Variants in ADAM12 observed in about 807,000 individuals in gnomAD.
ADAM12 encodes the protein disintegrin and metalloproteinase domain-containing protein 12.
Under a neutral mutation model 106.4 loss-of-function variants are expected in ADAM12, and 70 were observed. The ratio of observed to expected loss-of-function variants is 0.66; its 90% CI spans 0.54 to 0.80. The LOEUF (loss-of-function observed/expected upper bound fraction) is 0.80. ADAM12 is among the 30% of genes least tolerant of loss of function. The pLI, the probability that ADAM12 is intolerant of heterozygous loss-of-function variation, is 0.00. For synonymous variants in ADAM12, 420 were observed against 433.5 expected, an observed-to-expected ratio of 0.97 and a Z score of 0.39; for missense variants, 1,010 against 1,171.9, an observed-to-expected ratio of 0.86 and a Z score of 2.02.
chr10:126,364,161 T>C (rs1332498582), intron 1 of ADAM12, among the ~76,000 whole-genome samples: 2 of 152,100 alleles, frequency 1.3e-5, no homozygotes, highest in South Asian at 2.1e-4. Flanking sequence ...AAAAAATCTA[T>C]TTGAAAACTA....
chr10:126,285,964 T>C (rs1027664341), intron 2 of ADAM12, among the ~76,000 whole-genome samples: 3 of 124,756 alleles, frequency 2.4e-5, no homozygotes, highest in African/African-American at 9.2e-5. Flanking sequence ...GCTGATTAGA[T>C]TGATTTCCCT....
chr10:126,313,769 A>G (rs17154713), intron 2 of ADAM12, among the ~76,000 whole-genome samples: 35,616 of 152,106 alleles, frequency 0.23, 4,426 homozygotes, highest in Middle Eastern at 0.33. Context: ...AATAAAAAAG[A>G]TAAGTCTCTC....
At chr10:126,225,976 C>T (rs1460967575) in intron 3 of ADAM12, among the ~76,000 whole-genome samples, 1 of 152,138 alleles carries the variant, frequency 6.6e-6, no homozygotes, top group Non-Finnish European at 1.5e-5. Context: ...GTTTATCAAA[C>T]ATGAAATGGG....
At chr10:126,299,868 T>C (rs1960544124) in intron 2 of ADAM12, among the ~76,000 whole-genome samples, 1 of 152,160 alleles carries the variant, frequency 6.6e-6, no homozygotes, top group Non-Finnish European at 1.5e-5. Context: ...GGTCTTGAAC[T>C]CCTGACCTCA....
intron 16 of ADAM12, among the ~76,000 whole-genome samples, chr10:126,047,836 T>C (rs1954368387): frequency 6.6e-6 from 1 of 152,204 alleles, no homozygotes; most frequent in Admixed American, 6.5e-5. Context: ...TAAAGACACA[T>C]GCACTCATAT....
At position 126,091,317 on chromosome 10, in the gene ADAM12, C is replaced by T. The variant is rs371990197; in HGVS notation, c.1145+2668G>A. ...GAGAACCACCATTTTGAGATAATACCGGAGCAGCCGGGAAAACTCCACCAC... is the reference window on the plus strand; with the variant it reads ...GAGAACCACCATTTTGAGATAATACTGGAGCAGCCGGGAAAACTCCACCAC... On this transcript the variant is annotated intron_variant, in intron 11 of 22. Transcript: ENST00000448723. 1.7e-3 allele frequency among the ~76,000 whole-genome samples: 255 copies of T among 152,298 alleles called. 1 individual carries two copies. Among genetic ancestry groups the T allele is most frequent in the African/African-American group, 5.8e-3 (239 of 41,556 alleles).
chr10:126,123,370 C>T (rs559194189), intron 5 of ADAM12, among the ~76,000 whole-genome samples: 17 of 152,246 alleles, frequency 1.1e-4, no homozygotes, highest in Admixed American at 4.6e-4. Flanking sequence ...GTGGACTTTG[C>T]GTGTGGGGTT....
chr10:126,092,405 G>C (rs538258614), intron 11 of ADAM12, among the ~76,000 whole-genome samples: 1 of 152,314 alleles, frequency 6.6e-6, no homozygotes, highest in African/African-American at 2.4e-5. Flanking sequence ...GAAACAGAAG[G>C]CATCTATAGG....
chr10:126,290,124 C>T (rs561390564), intron 2 of ADAM12, among the ~76,000 whole-genome samples: 1 of 152,220 alleles, frequency 6.6e-6, no homozygotes, highest in East Asian at 1.9e-4. Context: ...TCTGAAGGTG[C>T]CAGAAGGGAG....
chr10:126,235,922 C>T lies in ADAM12; in HGVS notation c.260+42993G>A, dbSNP rs536746018. 1.6e-4 allele frequency among the ~76,000 whole-genome samples: 25 copies of T among 151,992 alleles called. 1 individual carries two copies. In the South Asian group the frequency reaches 5.2e-3, roughly 32 times the overall value. ...ACACACGGAGGAGGGGGTGGCTGTA[C>T]CATGGGCTGCGCAGGACCTGGTTGG... On this transcript the variant is annotated intron_variant, in intron 3 of 22. Transcript: ENST00000448723.
chr10:126,260,967 A>G (rs1163526988), intron 3 of ADAM12, among the ~76,000 whole-genome samples: 2 of 152,234 alleles, frequency 1.3e-5, no homozygotes, highest in African/African-American at 4.8e-5. Context: ...GGAGAAAACA[A>G]AAAATAATAA....
At chr10:126,031,109 G>C (rs1012925462) in intron 21 of ADAM12, among the ~76,000 whole-genome samples, 1 of 152,064 alleles carries the variant, frequency 6.6e-6, no homozygotes, top group Non-Finnish European at 1.5e-5. Flanking sequence ...CTTAGGGGAG[G>C]GTGAGATCTG....
intron 14 of ADAM12, among the ~76,000 whole-genome samples, chr10:126,052,582 T>C (rs1632585): frequency 0.54 from 82,806 of 151,994 alleles, 22,784 homozygotes; most frequent in Admixed American, 0.63. Flanking sequence ...CACGTGAGCT[T>C]ACAAACAGCT....
intron 18 of ADAM12, chr10:126,041,944 G>A: frequency 7.0e-7 from 1 of 1,427,092 alleles, no homozygotes; most frequent in Non-Finnish European, 9.1e-7. Context: ...GCCCTTCCTT[G>A]CACTGTTTCT....
At chr10:126,378,230 CAACTT>C (rs1444660836) in intron 1 of ADAM12, among the ~76,000 whole-genome samples, 1 of 152,088 alleles carries the variant, frequency 6.6e-6, no homozygotes. Context: ...ATTTGGAAAG[CAACTT>C]AACAAAATAC....
chr10:126,309,081 T>A (rs1169908446), intron 2 of ADAM12, among the ~76,000 whole-genome samples: 1 of 152,196 alleles, frequency 6.6e-6, no homozygotes, highest in South Asian at 2.1e-4. Context: ...GACTATCTCC[T>A]TCCCCCTATG....
intron 4 of ADAM12, among the ~76,000 whole-genome samples, chr10:126,146,665 C>G (rs1956634248): frequency 6.6e-6 from 1 of 152,180 alleles, no homozygotes; most frequent in Non-Finnish European, 1.5e-5. Flanking sequence ...CCTATAACAT[C>G]TCCAGCAAGC....
chr10:126,278,236 A>G lies in ADAM12; in HGVS notation c.260+679T>C, dbSNP rs182145862. Among the ~76,000 whole-genome samples, 53 of 152,330 alleles carry G rather than the reference A, an allele frequency of 3.5e-4. 1 individual carries two copies. Among genetic ancestry groups the G allele is most frequent in the African/African-American group, 1.0e-3 (42 of 41,580 alleles). On this transcript the variant is annotated intron_variant, in intron 3 of 22. Transcript: ENST00000448723. ...TTTTATGGTACTAATGAAATAGAAT[A>G]TTAAGGAGTCCTTTAGATCTGAGGA...
At chr10:126,384,017 A>G (rs1211687707) in intron 1 of ADAM12, among the ~76,000 whole-genome samples, 1 of 152,236 alleles carries the variant, frequency 6.6e-6, no homozygotes, top group African/African-American at 2.4e-5. Context: ...AATAGATTTG[A>G]CTGGTTCTGC....
Sources: allele counts gnomAD v4.1 joint callset (sites outside exome capture counted in the v4.1 genomes callset), GRCh38; gene constraint gnomAD v4.1.1; transcripts MANE v1.5; gene names NCBI Gene and HGNC (gene_info 2026-07-23, HGNC 2026-07-21).